The following CACNA2D3 variants were observed in gnomAD, a reference collection of about 807,000 sequenced individuals.
CACNA2D3 encodes the protein voltage-dependent calcium channel subunit alpha-2/delta-3.
In CACNA2D3, 60 loss-of-function variants were observed where a neutral mutation model predicts 160.6. The ratio of observed to expected loss-of-function variants is 0.37; its 90% CI spans 0.30 to 0.46. The LOEUF is 0.46. Ranked by LOEUF, CACNA2D3 falls within the 20% of genes least tolerant of loss-of-function variation. CACNA2D3 has a pLI of 1.00. For missense variants in CACNA2D3, 1,205 were observed against 1,365.0 expected (o/e 0.88, Z 1.85); for synonymous variants, 558 against 492.9 (o/e 1.13, Z -1.75).
chr3:54,574,941 C>T (rs1167042275), intron 8 of CACNA2D3, among the ~76,000 whole-genome samples: 1 of 152,230 alleles, frequency 6.6e-6, no homozygotes, highest in Admixed American at 6.5e-5. Context: ...TTCTTTAGAA[C>T]GGTTTCTCCG....
chr3:54,735,978 C>CGT (rs1466132706), intron 11 of CACNA2D3, among the ~76,000 whole-genome samples: 6 of 72,320 alleles, frequency 8.3e-5, no homozygotes, highest in African/African-American at 2.9e-4. Context: ...TTTTTCCATG[C>CGT]ATGTATATAT....
At chr3:54,509,909 A>G (rs577429697) in intron 5 of CACNA2D3, among the ~76,000 whole-genome samples, 188 of 152,312 alleles carry the variant, frequency 1.2e-3, no homozygotes, top group African/African-American at 4.4e-3. Flanking sequence ...ATGTGGCACA[A>G]TAGGTCTGCA....
chr3:54,264,483 T>C (rs1702465670), intron 2 of CACNA2D3, among the ~76,000 whole-genome samples: 1 of 152,212 alleles, frequency 6.6e-6, no homozygotes, highest in African/African-American at 2.4e-5. Flanking sequence ...TGCTCATCTT[T>C]TCTTCTTATT....
chr3:54,973,683 C>T (rs564095935), intron 29 of CACNA2D3, among the ~76,000 whole-genome samples: 5 of 152,190 alleles, frequency 3.3e-5, no homozygotes, highest in East Asian at 1.9e-4. Context: ...GGTTTGAGGA[C>T]GATTTGAATA....
intron 11 of CACNA2D3, among the ~76,000 whole-genome samples, chr3:54,664,747 G>A (rs1700033206): frequency 6.6e-6 from 1 of 152,348 alleles, no homozygotes; most frequent in East Asian, 1.9e-4. Context: ...AAAGGGCTGA[G>A]CAGGGGGACT....
chr3:54,288,918 C>T (rs1041854908), intron 2 of CACNA2D3, among the ~76,000 whole-genome samples: 6 of 152,234 alleles, frequency 3.9e-5, no homozygotes, highest in South Asian at 2.1e-4. Flanking sequence ...TGGGACGTAT[C>T]TCAAAATAAT....
In CACNA2D3 at chr3:55,007,782, C is replaced by A; in HGVS notation, c.2767-8C>A. 1 of 1,543,750 alleles carries A rather than the reference C, an allele frequency of 6.5e-7. No individual in the cohort carries two copies. The highest frequency in any genetic ancestry group is 2.4e-5 in the East Asian group (1 of 42,482). On this transcript the variant is annotated splice_region_variant and splice_polypyrimidine_tract_variant and intron_variant, in intron 32 of 37. Transcript: ENST00000474759. ...ATTGTTTTTAATGAACTGAATTCTTCTCTTCAGCCTTATAATGCCTTCCTC... is the reference window on the plus strand; with the variant it reads ...ATTGTTTTTAATGAACTGAATTCTTATCTTCAGCCTTATAATGCCTTCCTC...
intron 11 of CACNA2D3, among the ~76,000 whole-genome samples, chr3:54,683,328 G>A (rs1442325114): frequency 6.6e-6 from 1 of 152,118 alleles, no homozygotes; most frequent in Non-Finnish European, 1.5e-5. Context: ...GGACTGCCTT[G>A]CTATGTCTGG....
chr3:54,687,140 T>TC (rs1700474934), intron 11 of CACNA2D3, among the ~76,000 whole-genome samples: 2 of 69,670 alleles, frequency 2.9e-5, no homozygotes, highest in African/African-American at 1.2e-4. Context: ...TTTTTGTTTT[T>TC]TTTTTTTTTT....
chr3:54,359,496 T>A (rs891237565), intron 3 of CACNA2D3, among the ~76,000 whole-genome samples: 11 of 152,136 alleles, frequency 7.2e-5, no homozygotes, highest in Non-Finnish European at 1.0e-4. Flanking sequence ...GAACTCCACA[T>A]AGCTTAGGCC....
chr3:54,976,682 A>G (rs1309181593), intron 29 of CACNA2D3, among the ~76,000 whole-genome samples: 1 of 152,140 alleles, frequency 6.6e-6, no homozygotes, highest in East Asian at 1.9e-4. Flanking sequence ...TTTGTGTGAT[A>G]GTTTTCATCT....
intron 2 of CACNA2D3, among the ~76,000 whole-genome samples, chr3:54,290,787 T>C (rs987474810): frequency 3.9e-5 from 6 of 152,090 alleles, no homozygotes; most frequent in African/African-American, 1.4e-4. Context: ...GAAACCATCA[T>C]TCTCAGCAAA....
intron 2 of CACNA2D3, among the ~76,000 whole-genome samples, chr3:54,295,320 G>C (rs1691732241): frequency 6.6e-6 from 1 of 152,148 alleles, no homozygotes; most frequent in African/African-American, 2.4e-5. Flanking sequence ...ACTGTGTGGG[G>C]CCTCTGTAAA....
At chr3:54,962,283 C>T (rs775213440) in intron 27 of CACNA2D3, among the ~76,000 whole-genome samples, 1 of 152,128 alleles carries the variant, frequency 6.6e-6, no homozygotes, top group Non-Finnish European at 1.5e-5. Flanking sequence ...TCTCTAAGAG[C>T]CTGCTTGGCT....
At chr3:54,871,816 C>G (rs529872093) in intron 18 of CACNA2D3, among the ~76,000 whole-genome samples, 194 bp downstream of exon 18, 1 of 152,168 alleles carries the variant, frequency 6.6e-6, no homozygotes, top group Non-Finnish European at 1.5e-5. Context: ...GGACCAGTTG[C>G]AGACAGGCCA....
intron 3 of CACNA2D3, among the ~76,000 whole-genome samples, chr3:54,362,956 G>C (rs1190447721): frequency 2.6e-5 from 4 of 152,164 alleles, no homozygotes; most frequent in African/African-American, 9.7e-5. Context: ...CAGCACTTTG[G>C]GAGGCTGAGG....
At chr3:54,559,322 G>C (rs1014943850) in intron 5 of CACNA2D3, among the ~76,000 whole-genome samples, 2 of 151,978 alleles carry the variant, frequency 1.3e-5, no homozygotes, top group African/African-American at 4.8e-5. Context: ...TGTTGAGACT[G>C]AGGCTTGCTC....
In CACNA2D3 at chr3:54,503,615, C is replaced by CT; in HGVS notation, c.506dup (p.Ser170LysfsTer2). The CT allele has an allele frequency of 6.2e-7, 1 of 1,613,836 alleles. No individual in the cohort carries two copies. Among genetic ancestry groups the CT allele is most frequent in the African/African-American group, 1.3e-5 (1 of 75,048 alleles). ...TAATAATTTGCCTGTGAACATCAGT[C>CT]TAAGTGACGTCCAAGTACCAACGAA... On this transcript the variant is annotated frameshift_variant, in exon 5 of 38. Transcript: ENST00000474759. LOFTEE classifies it high-confidence loss of function.
chr3:54,889,891 C>T (rs189795351), intron 24 of CACNA2D3, among the ~76,000 whole-genome samples: 1 of 152,252 alleles, frequency 6.6e-6, no homozygotes, highest in African/African-American at 2.4e-5. Context: ...TGATTCATTC[C>T]TAACACATAC....
Sources: gnomAD v4.1 joint callset for allele counts (sites outside exome capture counted in the v4.1 genomes callset) on GRCh38, gnomAD v4.1.1 for gene constraint, MANE v1.5 for transcripts, NCBI Gene and HGNC (gene_info 2026-07-23, HGNC 2026-07-21) for gene names.